Variants in PPP2R5D observed in about 807,000 individuals in gnomAD.
PPP2R5D encodes the protein serine/threonine-protein phosphatase 2A 56 kDa regulatory subunit delta isoform.
In PPP2R5D, 12 loss-of-function variants were observed where a neutral mutation model predicts 79.1. The observed-to-expected ratio is 0.15, with a 90% CI of 0.10 to 0.25. The LOEUF is 0.25. Among genes scored for constraint, PPP2R5D ranks in the 10% least tolerant of loss-of-function variants. PPP2R5D has a pLI of 1.00. For synonymous variants in PPP2R5D, 277 were observed against 286.6 expected, an observed-to-expected ratio of 0.97 and a Z score of 0.34; for missense variants, 419 against 760.2, an observed-to-expected ratio of 0.55 and a Z score of 5.28.
Position 43,010,806 on chromosome 6 carries a change from G to A in PPP2R5D, c.1554+70G>A, listed in dbSNP as rs991004604. On this transcript the variant is annotated intron_variant, in intron 14 of 15. Transcript: ENST00000485511. This position sits in a 1 kb window ranked among gnomAD's most constrained non-coding sequence, Gnocchi z 4.7. ...CTTGAGCTGGGGGAGAGTTTGTTGG[G>A]GGAGGAATATGGGGCACACAGGCCC... is the stretch of plus-strand genomic sequence containing the variant. 10 of 1,605,244 alleles carry A rather than the reference G, an allele frequency of 6.2e-6. No homozygotes were observed. Among genetic ancestry groups the A allele is most frequent in the Non-Finnish European group, 8.5e-6 (10 of 1,172,276 alleles).
intron 2 of PPP2R5D, among the ~76,000 whole-genome samples, chr6:42,999,807 C>T (rs1030023904): frequency 1.5e-4 from 22 of 150,960 alleles, no homozygotes; most frequent in African/African-American, 4.9e-4. Context: ...GTGATCTGCC[C>T]GCCTCGGCCT....
Position 43,010,833 on chromosome 6 carries a change from C to CA in PPP2R5D, c.1555-46dup, listed in dbSNP as rs376685540. The stretch of plus-strand genomic sequence containing the variant: ...GAGGAATATGGGGCACACAGGCCCC[C>CA]AAGCCTCTGAAGTGGCTCTTAACGC... On this transcript the variant is annotated intron_variant, in intron 14 of 15. Coordinates refer to ENST00000485511, the MANE Select transcript of PPP2R5D (RefSeq NM_006245.4). The surrounding 1 kb of genome is among the most constrained non-coding windows in gnomAD (Gnocchi z 4.7). The CA allele has an allele frequency of 6.3e-7, 1 of 1,580,904 alleles. No homozygotes were observed. Among genetic ancestry groups the CA allele is most frequent in the Admixed American group, 1.8e-5 (1 of 56,818 alleles).
chr6:42,997,123 G>C lies in PPP2R5D; in HGVS notation c.105+7435G>C, dbSNP rs139943861. Reference sequence around the variant, plus strand: ...TGATTTTTGTGTCTCAGCCTCCTGAGTAGCTGGGATTACAGGCGCCCGCTA... The same window carrying C: ...TGATTTTTGTGTCTCAGCCTCCTGACTAGCTGGGATTACAGGCGCCCGCTA... On this transcript the variant is annotated intron_variant, in intron 2 of 15. Coordinates refer to ENST00000485511, the MANE Select transcript of PPP2R5D (RefSeq NM_006245.4). 3.6e-3 allele frequency among the ~76,000 whole-genome samples: 545 copies of C among 152,084 alleles called. 2 individuals carry two copies. Among genetic ancestry groups the C allele is most frequent in the African/African-American group, 0.013 (523 of 41,504 alleles).
At position 43,008,385 on chromosome 6, in the gene PPP2R5D, C is replaced by T. The variant is rs1379609851; in HGVS notation, c.936C>T (p.Ala312=). 1.2e-6 allele frequency: 2 copies of T among 1,614,070 alleles called. No individual in the cohort carries two copies. Among genetic ancestry groups the T allele is most frequent in the Admixed American group, 3.3e-5 (2 of 60,010 alleles). Residue 312 remains alanine, a synonymous_variant, in exon 9 of 16, where the codon GCC becomes GCT. Coordinates refer to ENST00000485511, the MANE Select transcript of PPP2R5D (RefSeq NM_006245.4). The surrounding 1 kb of genome is among the most constrained non-coding windows in gnomAD (Gnocchi z 4.2). Reference sequence around the variant, plus strand: ...TTCCTAGCATCATCAATGGCTTTGCCCTGCCCCTTAAAGAAGAGCACAAGA... The same window carrying T: ...TTCCTAGCATCATCAATGGCTTTGCTCTGCCCCTTAAAGAAGAGCACAAGA... ...EILGSIINGF[A]LPLKEEHKMF... is the part of the protein sequence containing the mutation.
intron 2 of PPP2R5D, among the ~76,000 whole-genome samples, chr6:42,998,048 TATATATATA>T (rs1478677105): frequency 2.4e-4 from 7 of 28,830 alleles, no homozygotes; most frequent in East Asian, 8.7e-4. Flanking sequence ...TATATATATA[TATATATATA>T]TTTTTTTTTT....
rs555560472 is a variant in PPP2R5D at position 43,004,766 on chromosome 6, T to G, written c.106-1697T>G. On this transcript the variant is annotated intron_variant, in intron 2 of 15. Coordinates refer to ENST00000485511, the MANE Select transcript of PPP2R5D (RefSeq NM_006245.4). ...ATTACATAGTTTTCTTTTCTTTTTTTTTTTTTTGAGGCAGAGTCTCACTCT... is the reference window on the plus strand; with the variant it reads ...ATTACATAGTTTTCTTTTCTTTTTTGTTTTTTTGAGGCAGAGTCTCACTCT... Among the ~76,000 whole-genome samples the G allele has an allele frequency of 7.3e-5, 11 of 151,406 alleles. No individual in the cohort carries two copies. The East Asian group carries it at 2.1e-3, about 29-fold the overall frequency.
intron 2 of PPP2R5D, among the ~76,000 whole-genome samples, chr6:43,001,796 A>G (rs913775945): frequency 6.6e-6 from 1 of 151,728 alleles, no homozygotes; most frequent in African/African-American, 2.4e-5. Flanking sequence ...CTGAGGCAGG[A>G]GAATTGCTTG....
intron 2 of PPP2R5D, among the ~76,000 whole-genome samples, chr6:42,994,621 A>ACGG (rs1771504097): frequency 6.6e-6 from 1 of 151,970 alleles, no homozygotes; most frequent in Admixed American, 6.6e-5. Context: ...CCTGGCCGAC[A>ACGG]TGGTGAAACC....
chr6:42,995,670 A>ATC (rs1330629152), intron 2 of PPP2R5D, among the ~76,000 whole-genome samples: 2 of 149,458 alleles, frequency 1.3e-5, no homozygotes, highest in Admixed American at 6.7e-5. Flanking sequence ...CTCCTGCCTC[A>ATC]GTCTCCCAAG....
In PPP2R5D at chr6:43,006,927, G is replaced by T. The variant is rs1309159375; in HGVS notation, c.339G>T (p.Glu113Asp). The T allele has an allele frequency of 6.2e-7, 1 of 1,613,892 alleles. No individual in the cohort carries two copies. Among genetic ancestry groups the T allele is most frequent in the Admixed American group, 1.7e-5 (1 of 59,990 alleles). Reference sequence around the variant, plus strand: ...CCCCCACAGATTCGCCAACCCAGGAGCGGGAGGAGCTGTTTATCCAGAAGC... The same window carrying T: ...CCCCCACAGATTCGCCAACCCAGGATCGGGAGGAGCTGTTTATCCAGAAGC... ...LPALKDSPTQ[E>D]REELFIQKLR... The change falls in exon 4 of 16, where the codon GAG becomes GAT. Residue 113 changes from glutamate to aspartate, a missense_variant. Around this residue, in one of 5 missense-constraint regions of PPP2R5D, gnomAD observed 110 missense variants for 147.6 expected, o/e 0.75. Coordinates refer to ENST00000485511, the MANE Select transcript of PPP2R5D (RefSeq NM_006245.4). The surrounding 1 kb of genome is among the most constrained non-coding windows in gnomAD (Gnocchi z 4.7).
chr6:43,002,410 G>C (rs1469299796), intron 2 of PPP2R5D, among the ~76,000 whole-genome samples: 1 of 152,092 alleles, frequency 6.6e-6, no homozygotes, highest in Admixed American at 6.5e-5. Flanking sequence ...TGATCCGCCC[G>C]CCTCTGCCTC....
At position 43,006,494 on chromosome 6, in the gene PPP2R5D, C is replaced by G; in HGVS notation, c.137C>G (p.Pro46Arg). Residue 46 changes from proline to arginine, a missense_variant, in exon 3 of 16, where the codon CCC becomes CGC. By Grantham distance (103) the Pro-to-Arg change is moderately radical. Around this residue, in one of 5 missense-constraint regions of PPP2R5D, gnomAD observed 110 missense variants for 147.6 expected, o/e 0.75. Transcript: ENST00000485511. This position sits in a 1 kb window ranked among gnomAD's most constrained non-coding sequence, Gnocchi z 4.7. ...AQPQPQPQPQ[P>R]QAQSQPPSSN... ...CCGCAGCCCCAGCCCCAGCCCCAGC[C>G]CCAAGCCCAGTCTCAGCCACCGTCA... is the stretch of plus-strand genomic sequence containing the variant. 1 of 1,613,812 alleles carries G rather than the reference C, an allele frequency of 6.2e-7. No homozygotes were observed. The highest frequency in any genetic ancestry group is 8.5e-7 in the Non-Finnish European group (1 of 1,179,924).
chr6:42,999,767 A>G (rs1016614726), intron 2 of PPP2R5D, among the ~76,000 whole-genome samples: 19 of 151,650 alleles, frequency 1.3e-4, no homozygotes, highest in Admixed American at 1.2e-3. Flanking sequence ...GGGTTTTGCT[A>G]TGTTGGCCAG....
rs1762233713 is a variant in PPP2R5D, at chr6:43,009,068, A to G, written c.1092A>G (p.Gly364=). ...TCCTTGTCTCCCAGGTAATTGTGGG[A>G]CTTCTCAAGTTTTGGCCCAAGACCC... ...ESSLTEPVIV[G]LLKFWPKTHS... Residue 364 remains glycine (G), a synonymous_variant, in exon 11 of 16, where the codon GGA becomes GGG. Coordinates refer to ENST00000485511, the MANE Select transcript of PPP2R5D (RefSeq NM_006245.4). The surrounding 1 kb of genome is among the most constrained non-coding windows in gnomAD (Gnocchi z 5.6). 3 of 1,613,598 alleles carry G rather than the reference A, an allele frequency of 1.9e-6. No homozygotes were observed. The highest frequency in any genetic ancestry group is 1.7e-6 in the Non-Finnish European group (2 of 1,179,878).
rs1762174578 is a variant in PPP2R5D at position 43,007,880 on chromosome 6, ACTGCCTTCCCTGGCTG to A, written c.727-48_727-33del. 1 of 1,607,830 alleles carries A rather than the reference ACTGCCTTCCCTGGCTG, an allele frequency of 6.2e-7. No individual in the cohort carries two copies. Among genetic ancestry groups the A allele is most frequent in the African/African-American group, 1.3e-5 (1 of 74,702 alleles). On this transcript the variant is annotated intron_variant, in intron 6 of 15. Transcript: ENST00000485511. The surrounding 1 kb of genome is among the most constrained non-coding windows in gnomAD (Gnocchi z 4.5). ...TGGCGGGACCTATGTCACCCTGGCCACTGCCTTCCCTGGCTGCTGCCTCACTGGCTGCTTTCCCTCC... is the reference window on the plus strand; with the variant it reads ...TGGCGGGACCTATGTCACCCTGGCCACTGCCTCACTGGCTGCTTTCCCTCC...
Position 43,009,394 on chromosome 6 carries a change from G to C in PPP2R5D, c.1324G>C (p.Val442Leu). 6.2e-7 allele frequency: 1 copy of C among 1,614,056 alleles called. No individual in the cohort carries two copies. The highest frequency in any genetic ancestry group is 8.5e-7 in the Non-Finnish European group (1 of 1,180,010). The part of the protein sequence containing the change: ...MSLISDNAAR[V>L]LPIMFPALYR... ...CCTGATAAGTGACAATGCTGCCCGAGTCCTCCCCATCATGTTCCCTGCACT... is the reference window on the plus strand; with the variant it reads ...CCTGATAAGTGACAATGCTGCCCGACTCCTCCCCATCATGTTCCCTGCACT... Residue 442 changes from valine (V) to leucine (L), a missense_variant, in exon 12 of 16, where the codon GTC becomes CTC. By Grantham distance (32) the Val-to-Leu change is conservative. Transcript: ENST00000485511. The surrounding 1 kb of genome is among the most constrained non-coding windows in gnomAD (Gnocchi z 5.6).
Position 43,007,806 on chromosome 6 carries a change from C to T in PPP2R5D, c.727-129C>T. 1.7e-6 allele frequency: 2 copies of T among 1,203,418 alleles called. No homozygotes were observed. Among genetic ancestry groups the T allele is most frequent in the South Asian group, 1.4e-5 (1 of 72,776 alleles). 74.5% of individuals were successfully genotyped at this position (1,203,418 alleles called of 1,614,324 possible). A position where few individuals can be genotyped will look rare whatever the true frequency, so the allele number is the denominator to read the frequency against. ...AATCAGCAATATAATAGAATCACTGCTTTCTAAGACTTGCTGGCCCCCACT... is the reference window on the plus strand; with the variant it reads ...AATCAGCAATATAATAGAATCACTGTTTTCTAAGACTTGCTGGCCCCCACT... On this transcript the variant is annotated intron_variant, in intron 6 of 15. Coordinates refer to ENST00000485511, the MANE Select transcript of PPP2R5D (RefSeq NM_006245.4). The surrounding 1 kb of genome is among the most constrained non-coding windows in gnomAD (Gnocchi z 4.5).
chr6:42,984,806 T>A, intron 1 of PPP2R5D, 102 bp downstream of exon 1: 1 of 1,532,560 alleles, frequency 6.5e-7, no homozygotes. Context: ...GACCCTCCCG[T>A]CCAGCCCCCG....
At chr6:42,998,864 G>A (rs190678877) in intron 2 of PPP2R5D, among the ~76,000 whole-genome samples, 20 of 152,120 alleles carry the variant, frequency 1.3e-4, no homozygotes, top group East Asian at 7.7e-4. Context: ...GTGAAACCCC[G>A]TCTCTACTGA....
Sources: allele counts gnomAD v4.1 joint callset (sites outside exome capture counted in the v4.1 genomes callset), GRCh38; gene constraint gnomAD v4.1.1; regional missense constraint gnomAD v4.1.1; non-coding constraint Gnocchi (gnomAD v3.1); transcripts MANE v1.5; gene names NCBI Gene and HGNC (gene_info 2026-07-23, HGNC 2026-07-21).